Variants in HECTD4 observed in about 807,000 individuals in gnomAD.
HECTD4 encodes the protein HECT domain E3 ubiquitin protein ligase 4, also known as probable E3 ubiquitin-protein ligase HECTD4.
In HECTD4, 114 loss-of-function variants were observed where a neutral mutation model predicts 471.5. That is an observed-to-expected ratio of 0.24 (90% CI 0.21 to 0.28). The LOEUF is 0.28. Among genes scored for constraint, HECTD4 ranks in the 10% least tolerant of loss-of-function variants. The pLI is 1.00. For missense variants in HECTD4, 3,866 were observed against 5,651.5 expected, an observed-to-expected ratio of 0.68 and a Z score of 10.13; for synonymous variants, 2,012 against 2,256.0, an observed-to-expected ratio of 0.89 and a Z score of 3.07.
intron 1 of HECTD4, among the ~76,000 whole-genome samples, chr12:112,333,175 G>T (rs2035877171): frequency 6.6e-6 from 1 of 152,124 alleles, no homozygotes; most frequent in Non-Finnish European, 1.5e-5. Context: ...TTCATGCACA[G>T]GTTATACAGA....
intron 71 of HECTD4, 100 bp downstream of exon 71, chr12:112,167,714 A>C: frequency 8.4e-7 from 1 of 1,194,722 alleles, no homozygotes. Context: ...AGGGTTTCTG[A>C]AACGGTTTGG....
At position 112,266,964 on chromosome 12, in the gene HECTD4, C is replaced by T; in HGVS notation, c.2340G>A (p.Leu780=). ...TATTGATTTCAGTTTCACCTGGGTA[C>T]AAGATATTTAAACCAGAGCTGAAAT... is the stretch of plus-strand genomic sequence containing the variant. ...CLAISSGLNI[L]YPGETEINNL... The change falls in exon 14 of 76, where the codon TTG becomes TTA. Residue 780 remains leucine (L), a synonymous_variant. Transcript: ENST00000682272. The T allele has an allele frequency of 6.5e-7, 1 of 1,532,646 alleles. No individual in the cohort carries two copies. The highest frequency in any genetic ancestry group is 1.2e-5 in the South Asian group (1 of 83,424). The allele number at this position is 1,532,646 out of a possible 1,614,324, so 94.9% of individuals were successfully genotyped here.
chr12:112,285,880 T>A (rs2034743057), intron 7 of HECTD4, among the ~76,000 whole-genome samples: 1 of 152,084 alleles, frequency 6.6e-6, no homozygotes, highest in African/African-American at 2.4e-5. Flanking sequence ...TCCTACTAGA[T>A]TAACTTTTAG....
chr12:112,250,071 G>T, intron 25 of HECTD4, 73 bp downstream of exon 25: 1 of 1,020,516 alleles, frequency 9.8e-7, no homozygotes, highest in Non-Finnish European at 1.5e-6. Flanking sequence ...GACCACAGAA[G>T]AAATATACCC....
intron 1 of HECTD4, among the ~76,000 whole-genome samples, chr12:112,363,936 A>G (rs1042167111): frequency 2.6e-4 from 38 of 148,920 alleles, no homozygotes; most frequent in African/African-American, 9.0e-4. Flanking sequence ...AGGTTGCAGT[A>G]AGCCGAGATC....
rs907544493 is a variant in HECTD4, at chr12:112,226,666, A to G, written c.6947T>C (p.Leu2316Pro). The change falls in exon 44 of 76, where the codon CTA becomes CCA. Residue 2316 changes from leucine to proline, a missense_variant. Leu to Pro is a moderately conservative substitution (Grantham distance 98, BLOSUM62 -3). Around this residue, in one of 16 missense-constraint regions of HECTD4, gnomAD observed 617 missense variants for 915.1 expected, o/e 0.67. Coordinates refer to ENST00000682272, the MANE Select transcript of HECTD4 (RefSeq NM_001388303.1). ...ACCAGCACTACATTCCTGGGCTACT[A>G]GGTTAAGAACTTCAACAGCTGCTGG... ...QCPAAVEVLN[L>P]VAQECSAGER... 1.2e-6 allele frequency: 2 copies of G among 1,612,184 alleles called. No homozygotes were observed. Among genetic ancestry groups the G allele is most frequent in the Non-Finnish European group, 1.7e-6 (2 of 1,178,980 alleles).
chr12:112,165,445 G>A lies in HECTD4; in HGVS notation c.12535-1170C>T, dbSNP rs960222394. ...CAGCTCACTGCAAGCTCCGCCTCTC[G>A]AGTTCACACCATTCTCCTGCCTCAG... is the stretch of plus-strand genomic sequence containing the variant. On this transcript the variant is annotated intron_variant, in intron 72 of 75. Transcript: ENST00000682272. Among the ~76,000 whole-genome samples the A allele has an allele frequency of 7.5e-5, 11 of 147,506 alleles. No homozygotes were observed. The South Asian group carries it at 8.6e-4, about 11-fold the overall frequency.
At position 112,228,447 on chromosome 12, in the gene HECTD4, G is replaced by C. The variant is rs1237800832; in HGVS notation, c.6685-189C>G. Reference sequence around the variant, plus strand: ...TTGTAGAAGAGCCCTAACCAACAAAGAAATGAATTTGGTCATCTAGATGAA... The same window carrying C: ...TTGTAGAAGAGCCCTAACCAACAAACAAATGAATTTGGTCATCTAGATGAA... On this transcript the variant is annotated intron_variant, in intron 42 of 75. Transcript: ENST00000682272. This position sits in a 1 kb window ranked among gnomAD's most constrained non-coding sequence, Gnocchi z 4.9. 6.6e-6 allele frequency among the ~76,000 whole-genome samples: 1 copy of C among 152,076 alleles called. No individual in the cohort carries two copies. The highest frequency in any genetic ancestry group is 1.5e-5 in the Non-Finnish European group (1 of 67,992).
At position 112,382,087 on chromosome 12, in the gene HECTD4, GGCCGCCGCCGCC is replaced by G. The variant is rs890653160; in HGVS notation, c.30_41del (p.Ala12_Ala15del). On this transcript the variant is annotated inframe_deletion, in exon 1 of 76. Coordinates refer to ENST00000682272, the MANE Select transcript of HECTD4 (RefSeq NM_001388303.1). The stretch of plus-strand genomic sequence containing the variant: ...CCGAGAGCCACTGCGCCGAGTCAGC[GGCCGCCGCCGCC>G]GCCGCCGCCGCGGCCGCCGACGAGC... 3 of 1,225,294 alleles carry G rather than the reference GGCCGCCGCCGCC, an allele frequency of 2.4e-6. No homozygotes were observed. Among genetic ancestry groups the G allele is most frequent in the Non-Finnish European group, 3.0e-6 (3 of 984,734 alleles). 75.9% of individuals were successfully genotyped at this position (1,225,294 alleles called of 1,614,324 possible).
At chr12:112,172,924 A>T (rs2031288166) in intron 66 of HECTD4, 63 bp from the exon 67 acceptor site, 2 of 1,424,148 alleles carry the variant, frequency 1.4e-6, no homozygotes, top group African/African-American at 2.8e-5. Context: ...TGACTGTTGC[A>T]TTTCTCTTAC....
Position 112,235,114 on chromosome 12 carries a change from C to T in HECTD4, c.5878G>A (p.Asp1960Asn), listed in dbSNP as rs766534435. ...TGGAGGACTTCATGGGATGACTGGTCTTCCCGCTTGTGGATAAATATCGAG... is the reference window on the plus strand; with the variant it reads ...TGGAGGACTTCATGGGATGACTGGTTTTCCCGCTTGTGGATAAATATCGAG... Reference protein sequence around the residue: ...KLSIFIHKREDQSSHEVLQPL... With the variant: ...KLSIFIHKRENQSSHEVLQPL... The change falls in exon 37 of 76, where the codon GAC becomes AAC. Residue 1960 changes from aspartate (D) to asparagine (N), a missense_variant. Around this residue, in one of 16 missense-constraint regions of HECTD4, gnomAD observed 617 missense variants for 915.1 expected, o/e 0.67. Transcript: ENST00000682272. The surrounding 1 kb of genome is among the most constrained non-coding windows in gnomAD (Gnocchi z 5.0). The T allele has an allele frequency of 1.9e-6, 3 of 1,596,700 alleles. No homozygotes were observed. The highest frequency in any genetic ancestry group is 2.6e-6 in the Non-Finnish European group (3 of 1,171,282).
intron 1 of HECTD4, among the ~76,000 whole-genome samples, chr12:112,355,824 A>C (rs368023219): frequency 1.3e-5 from 2 of 152,346 alleles, no homozygotes; most frequent in South Asian, 2.1e-4. Flanking sequence ...TCATTATATA[A>C]AGATTTATTC....
chr12:112,212,627 C>T lies in HECTD4; in HGVS notation c.7489G>A (p.Glu2497Lys). The T allele has an allele frequency of 6.2e-7, 1 of 1,612,864 alleles. No homozygotes were observed. The highest frequency in any genetic ancestry group is 1.3e-5 in the African/African-American group (1 of 74,990). ...SPGDVAGIGW[E>K]RTEGTPPPPG... ...GGAGGTGGAGTCCCCTCAGTTCTCT[C>T]CCAGCCAATTCCTGCCACGTCACCT... Residue 2497 changes from glutamate to lysine, a missense_variant, in exon 49 of 76, where the codon GAG becomes AAG. Physicochemically the swap from Glu to Lys is moderately conservative, Grantham distance 56 (BLOSUM62 1). This residue lies in a region of HECTD4 where 617 missense variants were observed against 915.1 expected (regional missense o/e 0.67). Transcript: ENST00000682272.
chr12:112,328,156 T>TTTATTTA (rs2035783289), intron 1 of HECTD4, among the ~76,000 whole-genome samples: 1 of 133,590 alleles, frequency 7.5e-6, no homozygotes, highest in African/African-American at 3.0e-5. Flanking sequence ...TTATTTATTT[T>TTTATTTA]GAGACAGGGT....
chr12:112,293,242 G>A (rs1280067147), intron 7 of HECTD4, among the ~76,000 whole-genome samples: 8 of 151,100 alleles, frequency 5.3e-5, no homozygotes, highest in Admixed American at 2.7e-4. Flanking sequence ...GGTGGTGCCT[G>A]TAATCCCAGC....
At position 112,213,980 on chromosome 12, in the gene HECTD4, C is replaced by T. The variant is rs1259174043; in HGVS notation, c.7466-1330G>A. Among the ~76,000 whole-genome samples the T allele has an allele frequency of 6.6e-6, 1 of 151,658 alleles. No individual in the cohort carries two copies. The highest frequency in any genetic ancestry group is 6.6e-5 in the Admixed American group (1 of 15,208). On this transcript the variant is annotated intron_variant, in intron 48 of 75. Coordinates refer to ENST00000682272, the MANE Select transcript of HECTD4 (RefSeq NM_001388303.1). The surrounding 1 kb of genome is among the most constrained non-coding windows in gnomAD (Gnocchi z 4.0). ...AAGCCTGCAGTGAGCTGTGATTGCA[C>T]CACTGCACTCTAGCCTGGGTGACAG...
rs554260842 is a variant in HECTD4 at position 112,305,239 on chromosome 12, G to A, written c.1335+825C>T. ...TTTCAAGTGAAATTTAAATAGCAAC[G>A]TATGGCTAGCAGCCACTGTGCAAGA... On this transcript the variant is annotated intron_variant, in intron 7 of 75. Transcript: ENST00000682272. Among the ~76,000 whole-genome samples the A allele has an allele frequency of 2.0e-4, 31 of 152,220 alleles. No homozygotes were observed. The South Asian group carries it at 4.4e-3, about 21-fold the overall frequency.
rs186652611 is a variant in HECTD4 at position 112,372,073 on chromosome 12, G to C, written c.177+9879C>G. The stretch of plus-strand genomic sequence containing the variant: ...TCCAAGCAACATAGCACCTTATAAA[G>C]AGAGTCAATACACTTTAAACATAAT... On this transcript the variant is annotated intron_variant, in intron 1 of 75. Coordinates refer to ENST00000682272, the MANE Select transcript of HECTD4 (RefSeq NM_001388303.1). 2.0e-4 allele frequency among the ~76,000 whole-genome samples: 30 copies of C among 150,852 alleles called. No homozygotes were observed. In the East Asian group the frequency reaches 4.3e-3, roughly 21 times the overall value.
intron 1 of HECTD4, among the ~76,000 whole-genome samples, chr12:112,374,629 G>A (rs1003758180): frequency 6.6e-6 from 1 of 152,130 alleles, no homozygotes; most frequent in African/African-American, 2.4e-5. Context: ...TAGTTTATTC[G>A]CTTATTCATT....
Sources: gnomAD v4.1 joint callset for allele counts (sites outside exome capture counted in the v4.1 genomes callset) on GRCh38, gnomAD v4.1.1 for gene constraint, gnomAD v4.1.1 regional missense constraint, Gnocchi (gnomAD v3.1) non-coding constraint, MANE v1.5 for transcripts, NCBI Gene and HGNC (gene_info 2026-07-23, HGNC 2026-07-21) for gene names.